DEFB131A: variants seen among roughly 807,000 people sequenced by gnomAD.
DEFB131A encodes beta-defensin 131A.
A neutral mutation model predicts 2.4 loss-of-function variants in DEFB131A; 5 were observed. The observed-to-expected ratio is 2.12, with a 90% CI of 1.11 to 4.47. DEFB131A has a LOEUF of 4.47. DEFB131A is among the 30% of genes most tolerant of loss of function. The pLI is 0.00. For missense variants in DEFB131A, 120 were observed against 79.9 expected (o/e 1.50, Z -1.91); for synonymous variants, 34 against 25.7 (o/e 1.32, Z -0.97).
At chr4:9,445,900 T>A (rs1717481400) in intron 1 of DEFB131A, among the ~76,000 whole-genome samples, 1 of 152,202 alleles carries the variant, frequency 6.6e-6, no homozygotes, top group South Asian at 2.1e-4. Flanking sequence ...GGACATTTAC[T>A]ATGAACAGAA....
intron 1 of DEFB131A, among the ~76,000 whole-genome samples, chr4:9,445,724 C>T (rs1380625700): frequency 6.6e-6 from 1 of 151,820 alleles, no homozygotes; most frequent in Non-Finnish European, 1.5e-5. Context: ...AAATTCATTG[C>T]CTTAAAGTGT....
At chr4:9,445,953 C>G (rs1717482778) in intron 1 of DEFB131A, among the ~76,000 whole-genome samples, 1 of 152,054 alleles carries the variant, frequency 6.6e-6, no homozygotes, top group Non-Finnish European at 1.5e-5. Context: ...TTTTATTTAG[C>G]ATAATGTTTT....
intron 1 of DEFB131A, among the ~76,000 whole-genome samples, chr4:9,449,993 T>C (rs1418522494): frequency 6.6e-6 from 1 of 152,162 alleles, no homozygotes; most frequent in African/African-American, 2.4e-5. Flanking sequence ...CTACTTACAC[T>C]AGATTACATC....
At position 9,445,510 on chromosome 4, in the gene DEFB131A, G is replaced by A. The variant is rs565954408; in HGVS notation, c.58+919G>A. On this transcript the variant is annotated intron_variant, in intron 1 of 1. Transcript: ENST00000334879. ...CCATAATAAAAACATATTAAACTGC[G>A]GTTCATACCTGAGATTTAGATTACT... Among the ~76,000 whole-genome samples, 15 of 151,386 alleles carry A rather than the reference G, an allele frequency of 9.9e-5. 1 individual carries two copies. In the South Asian group the frequency reaches 1.5e-3, roughly 15 times the overall value.
intron 1 of DEFB131A, among the ~76,000 whole-genome samples, chr4:9,448,689 G>A (rs1485465640): frequency 1.3e-5 from 2 of 152,172 alleles, no homozygotes; most frequent in Non-Finnish European, 2.9e-5. Context: ...TTTGTCACCA[G>A]TAGTCCTACC....
At chr4:9,447,410 T>A (rs958801072) in intron 1 of DEFB131A, among the ~76,000 whole-genome samples, 56 of 152,178 alleles carry the variant, frequency 3.7e-4, no homozygotes, top group Admixed American at 3.9e-4. Context: ...AATATAGATG[T>A]ATTAGGCCAT....
chr4:9,445,464 A>G (rs1247047260), intron 1 of DEFB131A, among the ~76,000 whole-genome samples: 1 of 152,130 alleles, frequency 6.6e-6, no homozygotes, highest in African/African-American at 2.4e-5. Flanking sequence ...TCCCACATTA[A>G]TTTTAAAATT....
chr4:9,449,778 G>A (rs1471521072), intron 1 of DEFB131A, among the ~76,000 whole-genome samples: 2 of 152,126 alleles, frequency 1.3e-5, no homozygotes, highest in Admixed American at 6.5e-5. Context: ...ATGGCCTTGA[G>A]CCCGAATACG....
chr4:9,449,241 A>T (rs1184766514), intron 1 of DEFB131A, among the ~76,000 whole-genome samples: 2 of 148,196 alleles, frequency 1.3e-5, no homozygotes, highest in South Asian at 2.2e-4. Flanking sequence ...ACATGATAAT[A>T]TTAAAATATC....
intron 1 of DEFB131A, among the ~76,000 whole-genome samples, chr4:9,446,973 C>T (rs1299467188): frequency 6.6e-6 from 1 of 151,924 alleles, no homozygotes. Context: ...GTTGATTTTT[C>T]AAAATTTGTT....
chr4:9,449,748 A>T (rs1367812544), intron 1 of DEFB131A, among the ~76,000 whole-genome samples: 1 of 152,084 alleles, frequency 6.6e-6, no homozygotes, highest in East Asian at 1.9e-4. Context: ...TATCTCAGTA[A>T]CTTTCTCAAT....
At chr4:9,444,636 A>G (rs1209286714) in intron 1 of DEFB131A, 45 bp downstream of exon 1, 3 of 1,583,458 alleles carry the variant, frequency 1.9e-6, no homozygotes, top group African/African-American at 2.7e-5. Context: ...AAATATAAGT[A>G]AAAGAAAATG....
At chr4:9,447,773 T>C (rs780611665) in intron 1 of DEFB131A, among the ~76,000 whole-genome samples, 3 of 151,670 alleles carry the variant, frequency 2.0e-5, no homozygotes, top group African/African-American at 4.8e-5. Flanking sequence ...ATACTAAAGA[T>C]TGGGACTTCA....
intron 1 of DEFB131A, among the ~76,000 whole-genome samples, chr4:9,447,104 T>C (rs1560128470): frequency 6.6e-6 from 1 of 152,174 alleles, no homozygotes; most frequent in Non-Finnish European, 1.5e-5. Context: ...TTAAGTCTAT[T>C]TGGTCTGCGG....
intron 1 of DEFB131A, among the ~76,000 whole-genome samples, chr4:9,447,006 A>T (rs1381074620): frequency 1.6e-4 from 25 of 152,110 alleles, no homozygotes; most frequent in Non-Finnish European, 2.8e-4. Flanking sequence ...GTGTCTTAAC[A>T]TATGGTCCAG....
intron 1 of DEFB131A, 81 bp from the exon 2 acceptor site, chr4:9,450,274 TTTTAA>T: frequency 7.6e-7 from 1 of 1,307,748 alleles, no homozygotes; most frequent in Non-Finnish European, 9.8e-7. Flanking sequence ...TCTGTAATGT[TTTTAA>T]TTTATTATAA....
chr4:9,450,254 C>A (rs1306826330), intron 1 of DEFB131A, 106 bp from the exon 2 acceptor site: 1 of 1,247,402 alleles, frequency 8.0e-7, no homozygotes, highest in East Asian at 3.0e-5. Context: ...TTTTGTTTTT[C>A]TGGGAAAGTT....
chr4:9,448,458 C>T (rs1328573257), intron 1 of DEFB131A, among the ~76,000 whole-genome samples: 10 of 151,968 alleles, frequency 6.6e-5, no homozygotes, highest in East Asian at 1.9e-4. Flanking sequence ...CAAGCAATCT[C>T]GTGCCTCAGC....
intron 1 of DEFB131A, among the ~76,000 whole-genome samples, chr4:9,446,357 A>G (rs1560128226): frequency 6.6e-6 from 1 of 151,866 alleles, no homozygotes. Context: ...GTAAAAAAAA[A>G]TTCTTCGTAT....
Sources: allele counts gnomAD v4.1 joint callset (sites outside exome capture counted in the v4.1 genomes callset), GRCh38; gene constraint gnomAD v4.1.1; transcripts MANE v1.5; gene names NCBI Gene and HGNC (gene_info 2026-07-23, HGNC 2026-07-21).